DLGAP2: variants seen among roughly 807,000 people sequenced by gnomAD.
DLGAP2 encodes the protein disks large-associated protein 2.
A neutral mutation model predicts 100.3 loss-of-function variants in DLGAP2; 26 were observed. The observed-to-expected ratio is 0.26, with a 90% confidence interval of 0.19 to 0.36. The LOEUF (loss-of-function observed/expected upper bound fraction) is 0.36, where lower values mean the gene tolerates loss of function less well. Ranked by LOEUF, DLGAP2 falls within the 10% of genes least tolerant of loss-of-function variation. The probability of loss-of-function intolerance (pLI) is 1.00; values close to 1 mark genes in which losing one functional copy is unlikely to be tolerated. For missense variants in DLGAP2, 1,858 were observed against 1,453.2 expected (o/e 1.28, Z -4.53); for synonymous variants, 886 against 630.1 (o/e 1.41, Z -6.08).
chr8:1,244,194 T>C (rs1171739903), intron 2 of DLGAP2, among the ~76,000 whole-genome samples: 1 of 152,120 alleles, frequency 6.6e-6, no homozygotes, highest in Non-Finnish European at 1.5e-5. Flanking sequence ...ACGGTTAGAG[T>C]GCATTTGTAG....
chr8:1,449,273 G>A (rs1425550478), intron 3 of DLGAP2, among the ~76,000 whole-genome samples: 1 of 152,184 alleles, frequency 6.6e-6, no homozygotes, highest in Admixed American at 6.5e-5. Flanking sequence ...TGATTCCGGG[G>A]TAATTGTTCT....
At chr8:1,454,052 G>C (rs1798237377) in intron 3 of DLGAP2, among the ~76,000 whole-genome samples, 1 of 152,354 alleles carries the variant, frequency 6.6e-6, no homozygotes, top group East Asian at 1.9e-4. Context: ...TAACACTGTT[G>C]AATGACAGAT....
intron 2 of DLGAP2, among the ~76,000 whole-genome samples, chr8:1,180,665 G>A (rs372079943): frequency 1.3e-5 from 2 of 151,564 alleles, no homozygotes; most frequent in Admixed American, 6.6e-5. Context: ...GCTTACCGTC[G>A]ACTGGGTGTG....
At chr8:1,013,054 C>T (rs1471720123) in intron 2 of DLGAP2, among the ~76,000 whole-genome samples, 2 of 152,152 alleles carry the variant, frequency 1.3e-5, no homozygotes, top group East Asian at 1.9e-4. Flanking sequence ...ATGCTGGGGT[C>T]TCCATGCTTC....
intron 1 of DLGAP2, among the ~76,000 whole-genome samples, chr8:784,211 A>G (rs1000192173): frequency 3.9e-5 from 6 of 152,238 alleles, no homozygotes; most frequent in Non-Finnish European, 5.9e-5. Context: ...GTGTTCATCA[A>G]AATTTATAAT....
intron 3 of DLGAP2, among the ~76,000 whole-genome samples, chr8:1,350,260 A>AG (rs1563099059): frequency 0.073 from 1,706 of 23,300 alleles, 39 homozygotes; most frequent in East Asian, 0.22. Context: ...GGTCCTGAGC[A>AG]TGTGTGGAAC....
At chr8:1,557,269 C>G (rs989700842) in intron 5 of DLGAP2, among the ~76,000 whole-genome samples, 6 of 152,176 alleles carry the variant, frequency 3.9e-5, no homozygotes, top group South Asian at 2.1e-4. Flanking sequence ...AACCTTCTCA[C>G]AAGCTGTGCA....
chr8:1,381,782 AGTGTGTGTGTGTGTGTGTGTGTGTGT>A (rs72529197), intron 3 of DLGAP2, among the ~76,000 whole-genome samples: 1 of 141,694 alleles, frequency 7.1e-6, no homozygotes, highest in Non-Finnish European at 1.5e-5. Context: ...GGGTTATTCT[AGTGTGTGTGTGTGTGTGTGTGTGTGT>A]GTGTGTGTGT....
At chr8:1,003,614 C>G (rs1228726060) in intron 2 of DLGAP2, among the ~76,000 whole-genome samples, 1 of 152,334 alleles carries the variant, frequency 6.6e-6, no homozygotes, top group East Asian at 1.9e-4. Context: ...AGCTGGGCGG[C>G]TCTTCTGCTC....
intron 6 of DLGAP2, among the ~76,000 whole-genome samples, chr8:1,582,865 G>A (rs79467913): frequency 0.011 from 1,677 of 152,246 alleles, 41 homozygotes; most frequent in African/African-American, 0.038. Context: ...CCTAAGAAAG[G>A]AAGTTCTTTA....
chr8:1,179,072 A>G (rs1797324485), intron 2 of DLGAP2, among the ~76,000 whole-genome samples: 1 of 152,214 alleles, frequency 6.6e-6, no homozygotes. Flanking sequence ...GCACACTTAA[A>G]CAGGCTTTAA....
At chr8:1,100,167 G>A (rs572110312) in intron 2 of DLGAP2, among the ~76,000 whole-genome samples, 49 of 148,614 alleles carry the variant, frequency 3.3e-4, no homozygotes, top group African/African-American at 1.0e-3. Flanking sequence ...AGTGGACAGC[G>A]TGTGTAGGGA....
intron 2 of DLGAP2, among the ~76,000 whole-genome samples, chr8:973,369 G>T (rs1358256203): frequency 6.6e-6 from 1 of 151,692 alleles, no homozygotes; most frequent in Admixed American, 6.6e-5. Context: ...GGTGGCTGCC[G>T]GGCGGAGGGG....
At chr8:1,246,767 T>A (rs936610603) in intron 2 of DLGAP2, 6 of 152,396 alleles carry the variant, frequency 3.9e-5, no homozygotes, top group Non-Finnish European at 7.3e-5. Flanking sequence ...CCCGTGCAGA[T>A]GCTTGTGTGA....
intron 3 of DLGAP2, among the ~76,000 whole-genome samples, chr8:1,407,899 A>G (rs1366984011): frequency 2.0e-5 from 3 of 151,780 alleles, no homozygotes; most frequent in Non-Finnish European, 4.4e-5. Context: ...GGAGTCATGT[A>G]TTGAGTGCTG....
chr8:1,377,758 T>G (rs1481182237), intron 3 of DLGAP2: 1 of 142,514 alleles, frequency 7.0e-6, no homozygotes, highest in African/African-American at 2.5e-5. Context: ...CTGGTATTCT[T>G]GGTCCAGCAC....
intron 5 of DLGAP2, among the ~76,000 whole-genome samples, chr8:1,558,272 C>T (rs964631645): frequency 3.3e-5 from 5 of 152,322 alleles, no homozygotes; most frequent in African/African-American, 7.2e-5. Context: ...CAGTCGCAGG[C>T]GGCTTAGATG....
intron 6 of DLGAP2, among the ~76,000 whole-genome samples, chr8:1,577,769 C>T (rs151085256): frequency 1.7e-3 from 257 of 152,190 alleles, no homozygotes; most frequent in African/African-American, 5.9e-3. Flanking sequence ...GGAGCAGCAA[C>T]CTCGGATTCC....
intron 2 of DLGAP2, among the ~76,000 whole-genome samples, chr8:1,084,751 C>T (rs1045679159): frequency 1.1e-4 from 17 of 152,190 alleles, no homozygotes; most frequent in Admixed American, 1.1e-3. Flanking sequence ...TGTGTGCGTA[C>T]ACCACACTTC....
Sources: allele counts gnomAD v4.1 joint callset (sites outside exome capture counted in the v4.1 genomes callset), GRCh38; gene constraint gnomAD v4.1.1; transcripts MANE v1.5; gene names NCBI Gene and HGNC (gene_info 2026-07-23, HGNC 2026-07-21).